The following PBX1 variants were observed in gnomAD, a reference collection of about 807,000 sequenced individuals.
PBX1 encodes the protein pre-B-cell leukemia transcription factor 1.
PBX1 carries 6 observed loss-of-function variants against 53.4 expected under a neutral mutation model. The observed-to-expected ratio is 0.11, with a 90% CI of 0.06 to 0.22. The LOEUF is 0.22. PBX1 is among the 10% of genes least tolerant of loss of function. The pLI is 1.00. For synonymous variants in PBX1, 204 were observed against 212.3 expected (o/e 0.96, Z 0.34); for missense variants, 251 against 551.4 (o/e 0.46, Z 5.46).
chr1:164,689,131 G>T (rs1342646803), intron 2 of PBX1, among the ~76,000 whole-genome samples: 1 of 152,186 alleles, frequency 6.6e-6, no homozygotes, highest in Non-Finnish European at 1.5e-5. Context: ...CTCATTGCTG[G>T]GTACGCTGAC....
intron 3 of PBX1, 32 bp downstream of exon 3, chr1:164,792,770 G>A (rs1315277822): frequency 2.0e-6 from 3 of 1,517,048 alleles, no homozygotes; most frequent in Admixed American, 3.8e-5. Flanking sequence ...TCGGCACCCA[G>A]GCCCTTTAGG....
At chr1:164,694,649 G>A (rs973508337) in intron 2 of PBX1, among the ~76,000 whole-genome samples, 2 of 152,076 alleles carry the variant, frequency 1.3e-5, no homozygotes, top group African/African-American at 4.8e-5. Flanking sequence ...CCTGTATTCC[G>A]TCTTTTATCT....
At chr1:164,772,405 T>C (rs1260918222) in intron 2 of PBX1, among the ~76,000 whole-genome samples, 1 of 152,118 alleles carries the variant, frequency 6.6e-6, no homozygotes, top group Non-Finnish European at 1.5e-5. Context: ...ATATCAGATA[T>C]CACATAGGAA....
chr1:164,703,999 C>T (rs1256136527), intron 2 of PBX1, among the ~76,000 whole-genome samples: 1 of 152,128 alleles, frequency 6.6e-6, no homozygotes. Flanking sequence ...AGGTCCCTCC[C>T]TCTCTTGGAA....
At chr1:164,640,538 T>C (rs1659058350) in intron 2 of PBX1, among the ~76,000 whole-genome samples, 1 of 146,132 alleles carries the variant, frequency 6.8e-6, no homozygotes, top group African/African-American at 2.5e-5. Context: ...GTTCCTCGTT[T>C]TTTGGTGTTT....
chr1:164,693,670 T>C (rs1360659166), intron 2 of PBX1, among the ~76,000 whole-genome samples: 1 of 152,162 alleles, frequency 6.6e-6, no homozygotes, highest in East Asian at 1.9e-4. Flanking sequence ...AGCATATCTG[T>C]TATTCCATCT....
intron 2 of PBX1, among the ~76,000 whole-genome samples, chr1:164,616,235 C>T (rs1422752329): frequency 2.0e-5 from 3 of 152,032 alleles, no homozygotes; most frequent in Non-Finnish European, 4.4e-5. Context: ...TAGCCACCAG[C>T]GTCTAGGCCA....
chr1:164,706,078 G>GACTT (rs1483676657), intron 2 of PBX1, among the ~76,000 whole-genome samples: 1 of 150,392 alleles, frequency 6.6e-6, no homozygotes, highest in Non-Finnish European at 1.5e-5. Context: ...AGACACTTGT[G>GACTT]ACTTACTAAG....
chr1:164,764,267 G>A (rs2789443), intron 2 of PBX1, among the ~76,000 whole-genome samples: 121,348 of 152,148 alleles, frequency 0.8, 52,186 homozygotes, highest in Middle Eastern at 0.97. Flanking sequence ...CTGATGGCAA[G>A]TAGCTATCTT....
intron 2 of PBX1, among the ~76,000 whole-genome samples, chr1:164,645,559 T>C (rs1571138822): frequency 7.1e-6 from 1 of 141,290 alleles, no homozygotes; most frequent in Admixed American, 7.1e-5. Flanking sequence ...TAGTGGGGGG[T>C]GATCAAAAAG....
chr1:164,781,441 A>G (rs186120547), intron 2 of PBX1, among the ~76,000 whole-genome samples: 1 of 152,264 alleles, frequency 6.6e-6, no homozygotes, highest in East Asian at 1.9e-4. Flanking sequence ...CAAGATATAG[A>G]TCAATATATG....
At chr1:164,600,161 A>G (rs1248846168) in intron 2 of PBX1, among the ~76,000 whole-genome samples, 1 of 151,684 alleles carries the variant, frequency 6.6e-6, no homozygotes, top group Non-Finnish European at 1.5e-5. Context: ...TTGAGTCAGG[A>G]CTGTGTTAAA....
intron 2 of PBX1, among the ~76,000 whole-genome samples, chr1:164,872,559 C>T (rs1055474324): frequency 3.3e-5 from 5 of 152,346 alleles, no homozygotes; most frequent in African/African-American, 1.2e-4. Flanking sequence ...AACACCCCTA[C>T]TAAAGTGTGG....
chr1:164,680,449 T>C (rs931144321), intron 2 of PBX1: 8 of 152,188 alleles, frequency 5.3e-5, no homozygotes, highest in Non-Finnish European at 8.8e-5. Flanking sequence ...GAGTATATTG[T>C]GTGATGCTGA....
At chr1:164,761,942 G>A (rs1309051266) in intron 2 of PBX1, among the ~76,000 whole-genome samples, 1 of 152,124 alleles carries the variant, frequency 6.6e-6, no homozygotes, top group Non-Finnish European at 1.5e-5. Context: ...TAATGTCAAA[G>A]AAGGGGGGAT....
intron 2 of PBX1, among the ~76,000 whole-genome samples, chr1:164,610,090 T>C (rs1656809191): frequency 6.6e-6 from 1 of 152,166 alleles, no homozygotes; most frequent in African/African-American, 2.4e-5. Flanking sequence ...CTCCTTTTGT[T>C]CTGTCAGGTT....
intron 2 of PBX1, among the ~76,000 whole-genome samples, chr1:164,629,168 G>T (rs906849664): frequency 5.9e-5 from 9 of 151,938 alleles, no homozygotes; most frequent in Admixed American, 5.3e-4. Flanking sequence ...ATTAATATTG[G>T]CCGTGTCTCC....
intron 2 of PBX1, among the ~76,000 whole-genome samples, chr1:164,733,811 T>C (rs1665127988): frequency 6.6e-6 from 1 of 152,250 alleles, no homozygotes; most frequent in South Asian, 2.1e-4. Context: ...AGATTTTTTC[T>C]GTTGCATTAA....
At chr1:164,645,282 C>T (rs902000475) in intron 2 of PBX1, among the ~76,000 whole-genome samples, 5 of 152,106 alleles carry the variant, frequency 3.3e-5, no homozygotes, top group South Asian at 2.1e-4. Context: ...TCAAGGTGTC[C>T]GCCAGCAGAG....
Sources: gnomAD v4.1 joint callset for allele counts (sites outside exome capture counted in the v4.1 genomes callset) on GRCh38, gnomAD v4.1.1 for gene constraint, MANE v1.5 for transcripts, NCBI Gene and HGNC (gene_info 2026-07-23, HGNC 2026-07-21) for gene names.